The following ZNF268 variants were observed in gnomAD, a reference collection of about 807,000 sequenced individuals.
The protein encoded by ZNF268 is zinc finger protein 268.
Under a neutral mutation model 29.3 loss-of-function variants are expected in ZNF268, and 20 were observed. The observed-to-expected ratio is 0.68, with a 90% CI of 0.48 to 0.99. The LOEUF (loss-of-function observed/expected upper bound fraction) is 0.99. Ranked by LOEUF, ZNF268 falls within the 50% of genes least tolerant of loss-of-function variation. The pLI is 0.00. For synonymous variants in ZNF268, 429 were observed against 376.9 expected, an observed-to-expected ratio of 1.14 and a Z score of -1.60; for missense variants, 1,240 against 1,121.6, an observed-to-expected ratio of 1.11 and a Z score of -1.51.
At chr12:133,197,038 T>C (rs1956621425) in intron 5 of ZNF268, among the ~76,000 whole-genome samples, 1 of 151,778 alleles carries the variant, frequency 6.6e-6, no homozygotes, top group Non-Finnish European at 1.5e-5. Context: ...CTTTTTTTTT[T>C]TTTTAAATAT....
Position 133,203,885 on chromosome 12 carries a change from T to C in ZNF268, c.2199T>C (p.Phe733=), listed in dbSNP as rs773063235. 27 of 1,574,712 alleles carry C rather than the reference T, an allele frequency of 1.7e-5. No homozygotes were observed. Among genetic ancestry groups the C allele is most frequent in the African/African-American group, 2.7e-5 (2 of 73,752 alleles). The change falls in exon 6 of 6, where the codon TTT becomes TTC. Residue 733 remains phenylalanine (F), a synonymous_variant. Coordinates refer to ENST00000536435, the MANE Select transcript of ZNF268 (RefSeq NM_003415.3). The stretch of plus-strand genomic sequence containing the variant: ...AGTGCAGGGAATGCGGGAAATCCTT[T>C]AGTTTCAATTCACAACTCATTGTGC... ...PHECRECGKS[F]SFNSQLIVHQ... is the part of the protein sequence containing the mutation.
chr12:133,186,502 T>TAC (rs1956319238), intron 2 of ZNF268, among the ~76,000 whole-genome samples: 1 of 151,812 alleles, frequency 6.6e-6, no homozygotes, highest in Non-Finnish European at 1.5e-5. Flanking sequence ...GCCTCCCAAG[T>TAC]AGCTGGGGCT....
In ZNF268 at chr12:133,211,053, T is replaced by C. The variant is rs1333936177; in HGVS notation, c.*6523T>C. Reference sequence around the variant, plus strand: ...TAGAGTCCATCATTCCATGCCTTAATTGGAATGGATAGAGATAATAAAAGG... The same window carrying C: ...TAGAGTCCATCATTCCATGCCTTAACTGGAATGGATAGAGATAATAAAAGG... On this transcript the variant is annotated 3_prime_UTR_variant, in exon 6 of 6. Transcript: ENST00000536435. 8 of 455,742 alleles carry C rather than the reference T, an allele frequency of 1.8e-5. No homozygotes were observed. Among genetic ancestry groups the C allele is most frequent in the South Asian group, 7.7e-5 (5 of 64,560 alleles). 28.2% of individuals were successfully genotyped at this position (455,742 alleles called of 1,614,324 possible). A position where few individuals can be genotyped will look rare whatever the true frequency, so the allele number is the denominator to read the frequency against.
intron 5 of ZNF268, 43 bp downstream of exon 5, chr12:133,192,046 G>A: frequency 6.6e-7 from 1 of 1,510,736 alleles, no homozygotes. Context: ...TTTAGAATTA[G>A]CATGAATTCC....
intron 5 of ZNF268, among the ~76,000 whole-genome samples, chr12:133,197,970 C>T (rs1424040395): frequency 6.6e-6 from 1 of 151,994 alleles, no homozygotes; most frequent in Non-Finnish European, 1.5e-5. Context: ...AAAATTTTCT[C>T]CCATTCTGTA....
intron 3 of ZNF268, among the ~76,000 whole-genome samples, chr12:133,190,525 G>A (rs1163266173): frequency 6.6e-6 from 1 of 152,060 alleles, no homozygotes; most frequent in Non-Finnish European, 1.5e-5. Flanking sequence ...CTTTTGTCTG[G>A]ATTTGCAATT....
rs923845222 is a variant in ZNF268, at chr12:133,211,999, A to G, written c.*7469A>G. 2.6e-5 allele frequency: 4 copies of G among 152,240 alleles called. No individual in the cohort carries two copies. The highest frequency in any genetic ancestry group is 4.4e-5 in the Non-Finnish European group (3 of 68,046). The allele number at this position is 152,240 out of a possible 1,614,324, so 9.4% of individuals were successfully genotyped here. On this transcript the variant is annotated 3_prime_UTR_variant, in exon 6 of 6. Coordinates refer to ENST00000536435, the MANE Select transcript of ZNF268 (RefSeq NM_003415.3). ...GATAACCTTCAATAGGTGAATGACT[A>G]ACTAGGCTGGGGTACATCCATGCAA...
chr12:133,199,102 C>G (rs553117205), intron 5 of ZNF268, among the ~76,000 whole-genome samples: 43 of 152,264 alleles, frequency 2.8e-4, no homozygotes, highest in Middle Eastern at 3.4e-3. Context: ...GAGAGCATCC[C>G]TGTCTTGTGC....
At chr12:133,197,858 A>G (rs1459628128) in intron 5 of ZNF268, among the ~76,000 whole-genome samples, 2 of 152,084 alleles carry the variant, frequency 1.3e-5, no homozygotes, top group African/African-American at 2.4e-5. Flanking sequence ...GTCTGTTCAT[A>G]TCCTTTGCCC....
chr12:133,197,022 T>C (rs1025738980), intron 5 of ZNF268, among the ~76,000 whole-genome samples: 4 of 136,710 alleles, frequency 2.9e-5, no homozygotes, highest in African/African-American at 1.1e-4. Flanking sequence ...ATTCTCTAGA[T>C]CCTTTCTTTT....
At chr12:133,191,880 A>G in intron 4 of ZNF268, 28 bp from the exon 5 acceptor site, 17 of 1,604,844 alleles carry the variant, frequency 1.1e-5, no homozygotes, top group Non-Finnish European at 1.3e-5. Flanking sequence ...TGTTTGTTCC[A>G]GGTTGTCTGT....
rs187762122 is a variant in ZNF268 at position 133,202,175 on chromosome 12, T to C, written c.489T>C (p.Asp163=). The C allele has an allele frequency of 8.1e-6, 13 of 1,598,328 alleles. No homozygotes were observed. The Admixed American group carries it at 1.8e-4, about 22-fold the overall frequency. The change falls in exon 6 of 6, where the codon GAT becomes GAC. Residue 163 remains aspartate, a synonymous_variant. Coordinates refer to ENST00000536435, the MANE Select transcript of ZNF268 (RefSeq NM_003415.3). ...NTVWKIDDLM[D]WHQENKDKLG... is the part of the protein sequence containing the mutation. ...TCTGGAAAATTGATGATCTTATGGATTGGCATCAGGAAAATAAAGACAAGC... is the reference window on the plus strand; with the variant it reads ...TCTGGAAAATTGATGATCTTATGGACTGGCATCAGGAAAATAAAGACAAGC...
chr12:133,186,384 C>CTT (rs778263126), intron 2 of ZNF268, among the ~76,000 whole-genome samples: 5 of 141,308 alleles, frequency 3.5e-5, no homozygotes, highest in Admixed American at 7.1e-5. Flanking sequence ...AGGGAATAAT[C>CTT]TTTTTTTTTT....
rs1302122312 is a variant in ZNF268 at position 133,214,020 on chromosome 12, A to G, written c.*9490A>G. 1 of 152,050 alleles carries G rather than the reference A, an allele frequency of 6.6e-6. No homozygotes were observed. The highest frequency in any genetic ancestry group is 2.4e-5 in the African/African-American group (1 of 41,396). The allele number at this position is 152,050 out of a possible 1,614,324, so 9.4% of individuals were successfully genotyped here. ...AAAAAAGGTGAATATAGGAGAAAAG[A>G]CACTGTAAAATAATATACCTGATAA... is the stretch of plus-strand genomic sequence containing the variant. On this transcript the variant is annotated 3_prime_UTR_variant, in exon 6 of 6. Coordinates refer to ENST00000536435, the MANE Select transcript of ZNF268 (RefSeq NM_003415.3).
intron 2 of ZNF268, among the ~76,000 whole-genome samples, chr12:133,187,454 G>A (rs1393404653): frequency 6.6e-6 from 1 of 152,032 alleles, no homozygotes; most frequent in Non-Finnish European, 1.5e-5. Flanking sequence ...TATGTGGTCA[G>A]ATATTTTGGT....
At chr12:133,202,038 CAT>C (rs1488485549) in intron 5 of ZNF268, 104 bp from the exon 6 acceptor site, 22 of 932,724 alleles carry the variant, frequency 2.4e-5, no homozygotes, top group Non-Finnish European at 3.1e-5. Context: ...ATACCACAAT[CAT>C]GTGATTTATA....
intron 2 of ZNF268, among the ~76,000 whole-genome samples, chr12:133,183,078 G>A (rs1956218719): frequency 6.6e-6 from 1 of 152,194 alleles, no homozygotes; most frequent in Non-Finnish European, 1.5e-5. Flanking sequence ...GCATGCGAAA[G>A]ATCTAGGTTG....
In ZNF268 at chr12:133,212,524, CATATAT is replaced by C. The variant is rs568144293; in HGVS notation, c.*7996_*8001del. 1,794 of 135,306 alleles carry C rather than the reference CATATAT, an allele frequency of 0.013. 56 individuals carry two copies. Among genetic ancestry groups the C allele is most frequent in the East Asian group, 0.062 (309 of 4,994 alleles). The allele number at this position is 135,306 out of a possible 1,614,324, so 8.4% of individuals were successfully genotyped here. ...GTATATATACACACACACATACACACATATATACACATATATATACACATATACACA... is the reference window on the plus strand; with the variant it reads ...GTATATATACACACACACATACACACACACATATATATACACATATACACA... On this transcript the variant is annotated 3_prime_UTR_variant, in exon 6 of 6. Transcript: ENST00000536435.
chr12:133,190,255 G>C (rs1235818814), intron 3 of ZNF268, among the ~76,000 whole-genome samples: 10 of 152,174 alleles, frequency 6.6e-5, no homozygotes, highest in Non-Finnish European at 1.5e-4. Context: ...TTTCATATCT[G>C]ATGCTTGTCA....
Sources: gnomAD v4.1 joint callset for allele counts (sites outside exome capture counted in the v4.1 genomes callset) on GRCh38, gnomAD v4.1.1 for gene constraint, MANE v1.5 for transcripts, NCBI Gene and HGNC (gene_info 2026-07-23, HGNC 2026-07-21) for gene names.